Variants in TXLNB observed in about 807,000 individuals in gnomAD.
TXLNB encodes beta-taxilin.
TXLNB carries 37 observed loss-of-function variants against 57.4 expected under a neutral mutation model. The ratio of observed to expected loss-of-function variants is 0.64; its 90% confidence interval spans 0.50 to 0.85. The LOEUF is 0.85. TXLNB is among the 40% of genes least tolerant of loss of function. TXLNB has a pLI of 0.00. For synonymous variants in TXLNB, 302 were observed against 309.6 expected, an observed-to-expected ratio of 0.98 and a Z score of 0.26; for missense variants, 848 against 825.6, an observed-to-expected ratio of 1.03 and a Z score of -0.33.
At chr6:139,285,441 G>T (rs1384537430) in intron 2 of TXLNB, among the ~76,000 whole-genome samples, 1 of 143,892 alleles carries the variant, frequency 6.9e-6, no homozygotes, top group Admixed American at 6.8e-5. Flanking sequence ...ACTTTGCAAA[G>T]GGACACATTT....
chr6:139,247,216 G>A (rs1432769847), intron 8 of TXLNB, among the ~76,000 whole-genome samples: 1 of 151,898 alleles, frequency 6.6e-6, no homozygotes, highest in South Asian at 2.1e-4. Flanking sequence ...GATCTCACTC[G>A]CTGCAACCTC....
In TXLNB at chr6:139,277,034, C is replaced by T. The variant is rs368170419; in HGVS notation, c.425-113G>A. On this transcript the variant is annotated intron_variant, in intron 2 of 9. Transcript: ENST00000358430. ...TATTCCCAACCTTGGCTAAGCCATT[C>T]ATCTTATCAGATGTAATTTTCTTTC... 42 of 710,250 alleles carry T rather than the reference C, an allele frequency of 5.9e-5. No homozygotes were observed. The East Asian group carries it at 8.0e-4, about 13-fold the overall frequency. The allele number at this position is 710,250 out of a possible 1,614,324, so 44.0% of individuals were successfully genotyped here. A position where few individuals can be genotyped will look rare whatever the true frequency, so the allele number is the denominator to read the frequency against.
chr6:139,229,085 T>C, the TXLNB span, among the ~76,000 whole-genome samples: 2 of 152,194 alleles, frequency 1.3e-5, no homozygotes, highest in African/African-American at 4.8e-5. Flanking sequence ...AAAAGCGATA[T>C]GTCTGCTCTT....
the TXLNB span, among the ~76,000 whole-genome samples, chr6:139,323,314 G>A: frequency 2.8e-5 from 4 of 142,954 alleles, no homozygotes; most frequent in Non-Finnish European, 3.0e-5. Context: ...ACGGAGTCTC[G>A]CTCTGTCGCC....
At chr6:139,166,720 C>T in the TXLNB span, 1 of 1,611,264 alleles carries the variant, frequency 6.2e-7, no homozygotes, top group Non-Finnish European at 8.5e-7. Flanking sequence ...AAGGCCCAAG[C>T]CACGACCTCC....
chr6:139,297,391 T>A, the TXLNB span, among the ~76,000 whole-genome samples: 1 of 152,214 alleles, frequency 6.6e-6, no homozygotes, highest in Non-Finnish European at 1.5e-5. Flanking sequence ...AGAGACTTGG[T>A]TGTTCTTTCT....
At chr6:139,219,215 T>G in the TXLNB span, among the ~76,000 whole-genome samples, 2 of 152,226 alleles carry the variant, frequency 1.3e-5, no homozygotes, top group Non-Finnish European at 2.9e-5. Flanking sequence ...TTTTTCAGCC[T>G]AACAGTGGTA....
chr6:139,200,350 C>A, the TXLNB span, among the ~76,000 whole-genome samples: 1 of 152,144 alleles, frequency 6.6e-6, no homozygotes, highest in Non-Finnish European at 1.5e-5. Context: ...TTAAGAGGGA[C>A]ATTTGCTACC....
chr6:139,290,346 C>T (rs899918643), intron 1 of TXLNB, among the ~76,000 whole-genome samples: 1 of 152,188 alleles, frequency 6.6e-6, no homozygotes, highest in Non-Finnish European at 1.5e-5. Flanking sequence ...TGCCACTGCA[C>T]TCCAGCCTGG....
chr6:139,270,713 T>C, intron 3 of TXLNB, 87 bp from the exon 4 acceptor site: 1 of 1,191,788 alleles, frequency 8.4e-7, no homozygotes, highest in Admixed American at 2.6e-5. Flanking sequence ...AAGATTACTC[T>C]GTGGTTGTTT....
chr6:139,241,057 G>A lies in TXLNB; in HGVS notation c.*1469C>T, dbSNP rs1218939084. 2 of 151,910 alleles carry A rather than the reference G, an allele frequency of 1.3e-5. No individual in the cohort carries two copies. The highest frequency in any genetic ancestry group is 4.8e-5 in the African/African-American group (2 of 41,316). The allele number at this position is 151,910 out of a possible 1,614,324, so 9.4% of individuals were successfully genotyped here. A position where few individuals can be genotyped will look rare whatever the true frequency, so the allele number is the denominator to read the frequency against. ...ATTGTTGCAGCTATCCTTTACCCTA[G>A]GTAATTTATGTTGTCAGTATCATTA... On this transcript the variant is annotated 3_prime_UTR_variant, in exon 10 of 10. Coordinates refer to ENST00000358430, the MANE Select transcript of TXLNB (RefSeq NM_153235.4).
intron 2 of TXLNB, 82 bp downstream of exon 2, chr6:139,288,394 G>A: frequency 7.6e-7 from 1 of 1,314,068 alleles, no homozygotes; most frequent in Non-Finnish European, 1.1e-6. Context: ...ATTGGATGTG[G>A]CTTTTAGTGA....
At chr6:139,304,325 T>G in the TXLNB span, among the ~76,000 whole-genome samples, 1 of 152,188 alleles carries the variant, frequency 6.6e-6, no homozygotes, top group Non-Finnish European at 1.5e-5. Flanking sequence ...CTCCATAATT[T>G]GTGACTACAA....
In TXLNB at chr6:139,242,966, T is replaced by A. The variant is rs774538196; in HGVS notation, c.1615A>T (p.Lys539Ter). The A allele has an allele frequency of 6.2e-7, 1 of 1,614,024 alleles. No homozygotes were observed. The highest frequency in any genetic ancestry group is 8.5e-7 in the Non-Finnish European group (1 of 1,180,040). ...ATCAGAGGGGGTTGCTCTGGCTCCTTGAGAGCGGCGTCAGCACTCTCCTGA... is the reference window on the plus strand; with the variant it reads ...ATCAGAGGGGGTTGCTCTGGCTCCTAGAGAGCGGCGTCAGCACTCTCCTGA... Reference protein sequence around the residue: ...SSQESADAALKEPEQPPLIPS... With the variant: ...SSQESADAAL The change falls in exon 10 of 10, where the codon AAG becomes TAG. Residue 539 changes from lysine (K) to a stop codon, truncating the protein, a stop_gained. Transcript: ENST00000358430. LOFTEE classifies it low-confidence loss of function (END_TRUNC).
chr6:139,213,402 A>G, the TXLNB span, among the ~76,000 whole-genome samples: 2 of 152,246 alleles, frequency 1.3e-5, no homozygotes, highest in African/African-American at 4.8e-5. Flanking sequence ...AAATGAAGGT[A>G]GAAATAAAGA....
intron 1 of TXLNB, among the ~76,000 whole-genome samples, chr6:139,291,275 G>C (rs11970749): frequency 0.38 from 57,436 of 152,082 alleles, 13,090 homozygotes; most frequent in African/African-American, 0.65. Flanking sequence ...TAAACATTTA[G>C]TGGCTTAAAT....
the TXLNB span, among the ~76,000 whole-genome samples, chr6:139,232,975 T>G: frequency 6.6e-6 from 1 of 152,240 alleles, no homozygotes; most frequent in Non-Finnish European, 1.5e-5. Flanking sequence ...GTGGAAAAGC[T>G]TTGTAACAAC....
the TXLNB span, among the ~76,000 whole-genome samples, chr6:139,308,813 C>T: frequency 1.3e-5 from 2 of 152,132 alleles, no homozygotes; most frequent in African/African-American, 4.8e-5. Context: ...TTTTAACATG[C>T]AAGTTTTTAC....
chr6:139,308,830 G>T, the TXLNB span, among the ~76,000 whole-genome samples: 1 of 152,194 alleles, frequency 6.6e-6, no homozygotes, highest in Non-Finnish European at 1.5e-5. Context: ...TTACCATAAA[G>T]GACAAGTGGC....
Sources: allele counts gnomAD v4.1 joint callset (sites outside exome capture counted in the v4.1 genomes callset), GRCh38; gene constraint gnomAD v4.1.1; transcripts MANE v1.5; gene names NCBI Gene and HGNC (gene_info 2026-07-23, HGNC 2026-07-21).